Variants in DNAJC1 observed in about 807,000 individuals in gnomAD.
DNAJC1 encodes the protein dnaJ homolog subfamily C member 1.
In DNAJC1, 58 loss-of-function variants were observed where a neutral mutation model predicts 76.6. That is an observed-to-expected ratio of 0.76 (90% CI 0.61 to 0.94). The LOEUF (loss-of-function observed/expected upper bound fraction) is 0.94, where lower values mean the gene tolerates loss of function less well. Among genes scored for constraint, DNAJC1 ranks in the 40% least tolerant of loss-of-function variants. The pLI is 0.00. For synonymous variants in DNAJC1, 258 were observed against 267.9 expected (o/e 0.96, Z 0.36); for missense variants, 689 against 677.3 (o/e 1.02, Z -0.19).
chr10:21,866,273 C>G (rs1354857121), intron 8 of DNAJC1, among the ~76,000 whole-genome samples: 2 of 151,256 alleles, frequency 1.3e-5, no homozygotes, highest in Admixed American at 1.3e-4. Flanking sequence ...AATTTGAATA[C>G]TGTCACACTA....
intron 8 of DNAJC1, among the ~76,000 whole-genome samples, chr10:21,862,749 C>T (rs114915771): frequency 1.3e-5 from 2 of 151,960 alleles, no homozygotes; most frequent in African/African-American, 2.4e-5. Flanking sequence ...TTTAAAGAAA[C>T]CAATGCTCAG....
At chr10:21,850,284 T>TA (rs1031501740) in intron 8 of DNAJC1, among the ~76,000 whole-genome samples, 1 of 152,044 alleles carries the variant, frequency 6.6e-6, no homozygotes, top group African/African-American at 2.4e-5. Context: ...CAAAAATCAA[T>TA]ACATAAAACG....
At chr10:21,977,566 A>T (rs1459019902) in intron 1 of DNAJC1, among the ~76,000 whole-genome samples, 2 of 152,200 alleles carry the variant, frequency 1.3e-5, no homozygotes, top group African/African-American at 4.8e-5. Flanking sequence ...CCCTAATTCC[A>T]GAAGCCAATT....
At chr10:21,882,886 A>C (rs1836304870) in intron 7 of DNAJC1, among the ~76,000 whole-genome samples, 1 of 152,164 alleles carries the variant, frequency 6.6e-6, no homozygotes, top group Non-Finnish European at 1.5e-5. Flanking sequence ...TATTTTACAA[A>C]GGTGAAATAT....
In DNAJC1 at chr10:21,905,943, C is replaced by A. The variant is rs755491585; in HGVS notation, c.730-1331G>T. 2.0e-4 allele frequency among the ~76,000 whole-genome samples: 31 copies of A among 152,086 alleles called. 1 individual carries two copies. Among genetic ancestry groups the A allele is most frequent in the Non-Finnish European group, 3.8e-4 (26 of 68,014 alleles). On this transcript the variant is annotated intron_variant, in intron 6 of 11. Coordinates refer to ENST00000376980, the MANE Select transcript of DNAJC1 (RefSeq NM_022365.4). The stretch of plus-strand genomic sequence containing the variant: ...TCTGCAAGAAATAAAGGAACAAAAT[C>A]TTTGACACTACTTTGACTCAGATGT...
intron 1 of DNAJC1, among the ~76,000 whole-genome samples, chr10:21,935,332 TAACTG>T (rs1242786492): frequency 6.6e-6 from 1 of 151,954 alleles, no homozygotes; most frequent in African/African-American, 2.4e-5. Context: ...GCAAAATACA[TAACTG>T]AAATGAAAAT....
intron 1 of DNAJC1, among the ~76,000 whole-genome samples, chr10:21,987,282 G>C (rs1331414976): frequency 6.6e-6 from 1 of 152,026 alleles, no homozygotes; most frequent in Non-Finnish European, 1.5e-5. Context: ...GTGCTCTATA[G>C]CCACATGTGG....
At chr10:21,812,183 C>T (rs922156429) in intron 8 of DNAJC1, among the ~76,000 whole-genome samples, 1 of 151,946 alleles carries the variant, frequency 6.6e-6, no homozygotes, top group Non-Finnish European at 1.5e-5. Context: ...CTCAGCCTCC[C>T]GAGTAACTGG....
intron 9 of DNAJC1, among the ~76,000 whole-genome samples, chr10:21,795,118 A>G (rs1256959972): frequency 6.6e-6 from 1 of 152,230 alleles, no homozygotes; most frequent in Non-Finnish European, 1.5e-5. Context: ...AAAACAACCA[A>G]ATTAAAATAT....
At chr10:21,967,726 C>T (rs935831571) in intron 1 of DNAJC1, among the ~76,000 whole-genome samples, 2 of 135,188 alleles carry the variant, frequency 1.5e-5, no homozygotes, top group Non-Finnish European at 3.3e-5. Context: ...TGAGGCAGGT[C>T]AACACATACT....
intron 1 of DNAJC1, among the ~76,000 whole-genome samples, chr10:21,939,064 T>G (rs1026585819): frequency 6.6e-6 from 1 of 152,130 alleles, no homozygotes; most frequent in African/African-American, 2.4e-5. Context: ...CTAATTTTTG[T>G]ATGTTTAGTA....
intron 6 of DNAJC1, among the ~76,000 whole-genome samples, chr10:21,906,031 T>G (rs1238927091): frequency 6.6e-6 from 1 of 152,198 alleles, no homozygotes; most frequent in Non-Finnish European, 1.5e-5. Flanking sequence ...AAATTAAAGC[T>G]TTTTCCTGGG....
chr10:21,946,049 C>CTTTTTTTTTTTTT (rs71510915), intron 1 of DNAJC1, among the ~76,000 whole-genome samples: 12 of 93,304 alleles, frequency 1.3e-4, no homozygotes, highest in Admixed American at 1.5e-4. Context: ...TTCTTTTCCT[C>CTTTTTTTTTTTTT]TTTTTTTTTT....
At chr10:21,838,330 C>G (rs1295156143) in intron 8 of DNAJC1, among the ~76,000 whole-genome samples, 2 of 152,118 alleles carry the variant, frequency 1.3e-5, no homozygotes, top group African/African-American at 4.8e-5. Flanking sequence ...TACCCCCAAC[C>G]CCGTGCTCTC....
intron 1 of DNAJC1, among the ~76,000 whole-genome samples, chr10:21,983,837 T>A (rs1439583857): frequency 6.6e-6 from 1 of 152,136 alleles, no homozygotes; most frequent in African/African-American, 2.4e-5. Flanking sequence ...GGAAAAGTAT[T>A]AGAAATGAAT....
chr10:21,966,144 T>C (rs1383371173), intron 1 of DNAJC1, among the ~76,000 whole-genome samples: 2 of 152,190 alleles, frequency 1.3e-5, no homozygotes, highest in African/African-American at 2.4e-5. Flanking sequence ...TTACGCTTTT[T>C]TGGGGTCAAG....
chr10:21,973,144 G>A (rs1293860505), intron 1 of DNAJC1, among the ~76,000 whole-genome samples: 1 of 151,990 alleles, frequency 6.6e-6, no homozygotes, highest in Non-Finnish European at 1.5e-5. Flanking sequence ...GTGTATTCTG[G>A]TTTATCAATT....
chr10:21,892,658 T>C (rs1836478788), intron 7 of DNAJC1, among the ~76,000 whole-genome samples: 1 of 151,740 alleles, frequency 6.6e-6, no homozygotes. Flanking sequence ...AATATAACAA[T>C]ATGGGTAGAC....
intron 7 of DNAJC1, among the ~76,000 whole-genome samples, chr10:21,902,753 T>C (rs1412430650): frequency 1.3e-5 from 2 of 152,082 alleles, no homozygotes; most frequent in Admixed American, 6.6e-5. Flanking sequence ...TCAAAAGGGG[T>C]AGTGTATATA....
Sources: allele counts gnomAD v4.1 joint callset (sites outside exome capture counted in the v4.1 genomes callset), GRCh38; gene constraint gnomAD v4.1.1; transcripts MANE v1.5; gene names NCBI Gene and HGNC (gene_info 2026-07-23, HGNC 2026-07-21).